RBM26: variants seen among roughly 807,000 people sequenced by gnomAD.
RBM26 encodes RNA binding motif protein 26.
Under a neutral mutation model 123.6 loss-of-function variants are expected in RBM26, and 30 were observed. The ratio of observed to expected loss-of-function variants is 0.24; its 90% CI spans 0.18 to 0.33. The LOEUF is 0.33. Among genes scored for constraint, RBM26 ranks in the 10% least tolerant of loss-of-function variants. The pLI, the probability that RBM26 is intolerant of heterozygous loss-of-function variation, is 1.00. For missense variants in RBM26, 947 were observed against 1,203.6 expected (o/e 0.79, Z 3.15); for synonymous variants, 400 against 404.4 (o/e 0.99, Z 0.13).
downstream of RBM26, chr13:79,315,022 A>C (rs2067020187): frequency 7.9e-7 from 1 of 1,271,580 alleles, no homozygotes; most frequent in African/African-American, 1.5e-5. Context: ...ATTAAAAAAA[A>C]CTTTGAAAAT....
chr13:79,371,050 G>A lies in RBM26; in HGVS notation c.529C>T (p.Arg177Cys), dbSNP rs943657794. 4 of 1,613,500 alleles carry A rather than the reference G, an allele frequency of 2.5e-6. No homozygotes were observed. Among genetic ancestry groups the A allele is most frequent in the East Asian group, 2.2e-5 (1 of 44,890 alleles). Residue 177 changes from arginine to cysteine, a missense_variant, in exon 5 of 22, where the codon CGC (arginine) becomes TGC (cysteine). Coordinates refer to ENST00000438737, the MANE Select transcript of RBM26 (RefSeq NM_001366735.2). ...CGACTTCGACTCCTGCTATAACTGC[G>A]ACTCCGCCCTCGTCTTCTATTGTAC... ...DRYNRRRGRS[R>C]SYSRSRSRSW...
chr13:79,314,252 T>G (rs2066986230), downstream of RBM26: 1 of 151,768 alleles, frequency 6.6e-6, no homozygotes, highest in South Asian at 2.1e-4. Flanking sequence ...AAAGGTCGTC[T>G]TCGATGTCTT....
Position 79,354,534 on chromosome 13 carries a change from C to T in RBM26, c.1891G>A (p.Val631Ile). ...CGCTCTTTGACTGACTGCTTCACAA[C>T]AGGCAAAATGGGCTGCTGGACTAAA... ...QPLVQQPILP[V>I]VKQSVKERLG... Residue 631 changes from valine (V) to isoleucine (I), a missense_variant, in exon 13 of 22, where the codon GTT becomes ATT. This residue lies in a region of RBM26 where 493 missense variants were observed against 563.1 expected (regional missense o/e 0.88). Transcript: ENST00000438737. The T allele has an allele frequency of 1.9e-6, 3 of 1,607,200 alleles. No individual in the cohort carries two copies. The highest frequency in any genetic ancestry group is 2.2e-5 in the South Asian group (2 of 90,110).
chr13:79,381,846 T>A (rs1478317787), intron 1 of RBM26, among the ~76,000 whole-genome samples: 2 of 150,090 alleles, frequency 1.3e-5, no homozygotes, highest in Non-Finnish European at 3.0e-5. Flanking sequence ...CCATATACAG[T>A]TCTAAATCCT....
At chr13:79,341,041 G>A in intron 18 of RBM26, 82 bp downstream of exon 18, 1 of 709,930 alleles carries the variant, frequency 1.4e-6, no homozygotes, top group South Asian at 1.9e-5. Context: ...GAGAATGAAG[G>A]GAAGGGAATA....
chr13:79,332,227 C>T (rs989659759), intron 20 of RBM26, among the ~76,000 whole-genome samples: 1 of 152,130 alleles, frequency 6.6e-6, no homozygotes, highest in Non-Finnish European at 1.5e-5. Flanking sequence ...TCCTTTACTG[C>T]GAGTTCATGT....
At chr13:79,397,440 T>C (rs188470405) in intron 1 of RBM26, among the ~76,000 whole-genome samples, 18 of 151,070 alleles carry the variant, frequency 1.2e-4, no homozygotes, top group South Asian at 8.4e-4. Flanking sequence ...TATTGGGAGG[T>C]TGAGGCAGGC....
intron 14 of RBM26, among the ~76,000 whole-genome samples, chr13:79,346,095 A>G (rs1383654730): frequency 6.6e-6 from 1 of 152,192 alleles, no homozygotes; most frequent in Non-Finnish European, 1.5e-5. Flanking sequence ...TAAAAGAACT[A>G]CTCAAGTTTA....
chr13:79,371,882 G>A lies in RBM26; in HGVS notation c.376C>T (p.His126Tyr), dbSNP rs2075917217. The part of the protein sequence containing the change: ...REKKFSRRLN[H>Y]SPPQSSSRYR... Reference sequence around the variant, plus strand: ...CGGGAGCTTGACTGGGGAGGACTGTGATTTAGCCTTCTAGAAAACTTCTTC... The same window carrying A: ...CGGGAGCTTGACTGGGGAGGACTGTAATTTAGCCTTCTAGAAAACTTCTTC... The change falls in exon 4 of 22, where the codon CAC (histidine) becomes TAC (tyrosine). Residue 126 changes from histidine to tyrosine, a missense_variant. Coordinates refer to ENST00000438737, the MANE Select transcript of RBM26 (RefSeq NM_001366735.2). 1.9e-6 allele frequency: 3 copies of A among 1,611,492 alleles called. No homozygotes were observed. The highest frequency in any genetic ancestry group is 2.5e-6 in the Non-Finnish European group (3 of 1,178,612).
chr13:79,371,078 G>A lies in RBM26; in HGVS notation c.501C>T (p.Asp167=), dbSNP rs778985440. Residue 167 remains aspartate (D), a synonymous_variant, in exon 5 of 22, where the codon GAC becomes GAT. Coordinates refer to ENST00000438737, the MANE Select transcript of RBM26 (RefSeq NM_001366735.2). ...RNPPRRDSYR[D]RYNRRRGRSR... ...TCCGCCCTCGTCTTCTATTGTACCGGTCTCTGTATGAATCTCTTCGAGGAG... is the reference window on the plus strand; with the variant it reads ...TCCGCCCTCGTCTTCTATTGTACCGATCTCTGTATGAATCTCTTCGAGGAG... The A allele has an allele frequency of 3.1e-6, 5 of 1,613,852 alleles. No individual in the cohort carries two copies. The highest frequency in any genetic ancestry group is 4.2e-6 in the Non-Finnish European group (5 of 1,179,998).
Position 79,366,088 on chromosome 13 carries a change from G to C in RBM26, c.1243C>G (p.Pro415Ala). ...TVVTTGIHHQPPPAPPSLFTA... is the reference protein window; with the variant it reads ...TVVTTGIHHQAPPAPPSLFTA... ...AAAAGAGAGGGTGGAGCAGGAGGAG[G>C]CTGGTGATGAATGCCAGTTGTTACT... Residue 415 changes from proline to alanine, a missense_variant, in exon 8 of 22, where the codon CCT (proline) becomes GCT (alanine). Physicochemically the swap from Pro to Ala is conservative, Grantham distance 27 (BLOSUM62 -1). Around this residue, in one of 5 missense-constraint regions of RBM26, gnomAD observed 493 missense variants for 563.1 expected, o/e 0.88. Coordinates refer to ENST00000438737, the MANE Select transcript of RBM26 (RefSeq NM_001366735.2). 1 of 1,614,084 alleles carries C rather than the reference G, an allele frequency of 6.2e-7. No individual in the cohort carries two copies. The highest frequency in any genetic ancestry group is 8.5e-7 in the Non-Finnish European group (1 of 1,179,976).
At chr13:79,368,144 C>T (rs2075526596) in intron 6 of RBM26, among the ~76,000 whole-genome samples, 1 of 151,976 alleles carries the variant, frequency 6.6e-6, no homozygotes, top group African/African-American at 2.4e-5. Context: ...CCTGCCTCAG[C>T]CTCCCGAGTA....
intron 1 of RBM26, among the ~76,000 whole-genome samples, chr13:79,403,025 T>C (rs1449254040): frequency 2.0e-5 from 3 of 152,160 alleles, no homozygotes; most frequent in Non-Finnish European, 4.4e-5. Flanking sequence ...AAGTTACAGC[T>C]TACCCTTGGT....
intron 1 of RBM26, among the ~76,000 whole-genome samples, chr13:79,382,089 A>T: frequency 6.6e-6 from 1 of 152,242 alleles, no homozygotes; most frequent in Admixed American, 6.5e-5. Context: ...AATGTTATGT[A>T]TCAGGAACAG....
chr13:79,331,464 C>A (rs367961770), intron 20 of RBM26, among the ~76,000 whole-genome samples: 458 of 128,594 alleles, frequency 3.6e-3, no homozygotes, highest in East Asian at 5.5e-3. Flanking sequence ...ACTAAAAATA[C>A]AAAAAAAAAA....
At position 79,344,656 on chromosome 13, in the gene RBM26, C is replaced by T. The variant is rs1308954827; in HGVS notation, c.2184+13G>A. ...TATGCAAAAATTTTTTATACTATAC[C>T]AGTTGTACTTACCTGTTTTTTTTTC... On this transcript the variant is annotated intron_variant, in intron 15 of 21. Coordinates refer to ENST00000438737, the MANE Select transcript of RBM26 (RefSeq NM_001366735.2). 1 of 1,607,028 alleles carries T rather than the reference C, an allele frequency of 6.2e-7. No individual in the cohort carries two copies.
chr13:79,376,437 G>A (rs2076677163), intron 3 of RBM26: 1 of 152,168 alleles, frequency 6.6e-6, no homozygotes, highest in South Asian at 2.1e-4. Flanking sequence ...GGGCTCAAGT[G>A]AGCCTCCTGC....
chr13:79,312,946 T>A (rs1257941262), exon 5 of RBM26: 3 of 151,912 alleles, frequency 2.0e-5, no homozygotes, highest in Non-Finnish European at 4.4e-5. Flanking sequence ...TAAAGTATGA[T>A]TTATCTTGTA....
At chr13:79,388,893 C>T (rs2077705918) in intron 1 of RBM26, among the ~76,000 whole-genome samples, 1 of 151,766 alleles carries the variant, frequency 6.6e-6, no homozygotes, top group Non-Finnish European at 1.5e-5. Flanking sequence ...AAAAAGATCA[C>T]AAGTTACAGG....
Sources: allele counts gnomAD v4.1 joint callset (sites outside exome capture counted in the v4.1 genomes callset), GRCh38; gene constraint gnomAD v4.1.1; regional missense constraint gnomAD v4.1.1; transcripts MANE v1.5; gene names NCBI Gene and HGNC (gene_info 2026-07-23, HGNC 2026-07-21).